The following DTHD1 variants were observed in gnomAD, a reference collection of about 807,000 sequenced individuals.
The protein encoded by DTHD1 is death domain-containing protein 1.
Under a neutral mutation model 74.8 loss-of-function variants are expected in DTHD1, and 59 were observed. That is an observed-to-expected ratio of 0.79 (90% CI 0.64 to 0.98). DTHD1 has a LOEUF of 0.98. Ranked by LOEUF, DTHD1 falls within the 50% of genes least tolerant of loss-of-function variation. The pLI, the probability that DTHD1 is intolerant of heterozygous loss-of-function variation, is 0.00. For synonymous variants in DTHD1, 365 were observed against 371.1 expected, an observed-to-expected ratio of 0.98 and a Z score of 0.19; for missense variants, 1,051 against 1,065.4, an observed-to-expected ratio of 0.99 and a Z score of 0.19.
Position 36,316,245 on chromosome 4 carries a change from A to G in DTHD1, c.2099A>G (p.Asn700Ser), listed in dbSNP as rs1560805953. ...AATACATTTTACTTCTATTTAGGCA[A>G]CGGGAAGGATTATGGAAAAGACTAC... is the stretch of plus-strand genomic sequence containing the variant. ...RFTGNIFASS[N>S]GKDYGKDYTL... Residue 700 changes from asparagine to serine, a missense_variant, in exon 8 of 10, where the codon AAC (asparagine) becomes AGC (serine). By Grantham distance (46) the Asn-to-Ser change is conservative. Transcript: ENST00000639862. 1 of 1,549,284 alleles carries G rather than the reference A, an allele frequency of 6.5e-7. No homozygotes were observed. Among genetic ancestry groups the G allele is most frequent in the Admixed American group, 2.0e-5 (1 of 50,408 alleles).
chr4:36,316,482 CA>C lies in DTHD1; in HGVS notation c.2339del (p.Lys780SerfsTer5), dbSNP rs1354260708. ...ATTTGCAAATTACCATTGAAATTGCCAAAGGTGAGTTATTTTACTTTTCTAA... is the reference window on the plus strand; with the variant it reads ...ATTTGCAAATTACCATTGAAATTGCCAAGGTGAGTTATTTTACTTTTCTAA... The part of the protein sequence containing the change: ...LPICKLPLKL[P>X]KHKKLINRPQ... On this transcript the variant is annotated frameshift_variant, in exon 8 of 10. Coordinates refer to ENST00000639862, the MANE Select transcript of DTHD1 (RefSeq NM_001170700.3). LOFTEE classifies it high-confidence loss of function. 1 of 1,546,750 alleles carries C rather than the reference CA, an allele frequency of 6.5e-7. No individual in the cohort carries two copies. Among genetic ancestry groups the C allele is most frequent in the African/African-American group, 1.4e-5 (1 of 72,732 alleles).
rs1263430399 is a variant in DTHD1 at position 36,345,890 on chromosome 4, G to C, written c.*2066G>C. The C allele has an allele frequency of 6.6e-6, 1 of 152,410 alleles. No homozygotes were observed. Among genetic ancestry groups the C allele is most frequent in the Admixed American group, 6.6e-5 (1 of 15,248 alleles). 9.4% of individuals were successfully genotyped at this position (152,410 alleles called of 1,614,324 possible). On this transcript the variant is annotated 3_prime_UTR_variant, in exon 10 of 10. Coordinates refer to ENST00000639862, the MANE Select transcript of DTHD1 (RefSeq NM_001170700.3). ...AGGACACTCACATATGTGTTCACCTGCATGCACACATGCTAATATGTATGT... is the reference window on the plus strand; with the variant it reads ...AGGACACTCACATATGTGTTCACCTCCATGCACACATGCTAATATGTATGT...
At chr4:36,325,448 A>G (rs1341248752) in intron 8 of DTHD1, among the ~76,000 whole-genome samples, 1 of 152,250 alleles carries the variant, frequency 6.6e-6, no homozygotes, top group Non-Finnish European at 1.5e-5. Flanking sequence ...TTTTGTTAGC[A>G]ACATTACTAC....
intron 7 of DTHD1, chr4:36,315,834 T>C (rs1282474285): frequency 1.3e-5 from 2 of 154,972 alleles, no homozygotes; most frequent in Non-Finnish European, 1.4e-5. Context: ...TGTCAGGTTA[T>C]GTTTTGACAA....
At position 36,343,544 on chromosome 4, in the gene DTHD1, T is replaced by G; in HGVS notation, c.2441T>G (p.Leu814Arg). The G allele has an allele frequency of 6.4e-7, 1 of 1,551,508 alleles. No homozygotes were observed. The highest frequency in any genetic ancestry group is 8.7e-7 in the Non-Finnish European group (1 of 1,146,892). Reference protein sequence around the residue: ...DNLLHWLAEELSEENAESLSS... With the variant: ...DNLLHWLAEERSEENAESLSS... ...TTGCTCCATTGGCTGGCTGAGGAGC[T>G]CTCAGAAGAAAATGCTGAGTCTCTT... is the stretch of plus-strand genomic sequence containing the variant. Residue 814 changes from leucine to arginine, a missense_variant, in exon 10 of 10, where the codon CTC becomes CGC. Physicochemically the swap from Leu to Arg is moderately radical, Grantham distance 102. Transcript: ENST00000639862.
chr4:36,285,410 T>C (rs1755642397), intron 2 of DTHD1, among the ~76,000 whole-genome samples: 1 of 152,176 alleles, frequency 6.6e-6, no homozygotes, highest in African/African-American at 2.4e-5. Context: ...GGATGAGCTT[T>C]GGGAGGTACT....
rs769437545 is a variant in DTHD1, at chr4:36,316,461, G to T, written c.2315G>T (p.Cys772Phe). The change falls in exon 8 of 10, where the codon TGC becomes TTC. Residue 772 changes from cysteine to phenylalanine, a missense_variant. Cys to Phe is a radical substitution (Grantham distance 205). Coordinates refer to ENST00000639862, the MANE Select transcript of DTHD1 (RefSeq NM_001170700.3). ...INENHSQLPI[C>F]KLPLKLPKHK... ...GAAAACCATTCTCAGTTGCCAATTT[G>T]CAAATTACCATTGAAATTGCCAAAG... is the stretch of plus-strand genomic sequence containing the variant. The T allele has an allele frequency of 4.3e-5, 67 of 1,548,950 alleles. No individual in the cohort carries two copies. Among genetic ancestry groups the T allele is most frequent in the Non-Finnish European group, 5.6e-5 (64 of 1,146,374 alleles).
intron 9 of DTHD1, among the ~76,000 whole-genome samples, chr4:36,342,918 CAAAAA>C (rs55956868): frequency 9.3e-5 from 9 of 96,992 alleles, no homozygotes; most frequent in African/African-American, 2.4e-4. Context: ...ACTAAAAATA[CAAAAA>C]AAAAAAAAAA....
At chr4:36,305,432 G>C (rs1387409830) in intron 5 of DTHD1, among the ~76,000 whole-genome samples, 2 of 152,152 alleles carry the variant, frequency 1.3e-5, no homozygotes, top group South Asian at 4.2e-4. Flanking sequence ...TAAAACCATC[G>C]TATCTCATGA....
At chr4:36,321,624 G>C (rs1758041710) in intron 8 of DTHD1, among the ~76,000 whole-genome samples, 2 of 152,100 alleles carry the variant, frequency 1.3e-5, no homozygotes, top group Admixed American at 1.3e-4. Context: ...TAGAAATAAA[G>C]AGCACAATAA....
chr4:36,331,829 G>A (rs894755543), intron 8 of DTHD1, among the ~76,000 whole-genome samples: 7 of 152,144 alleles, frequency 4.6e-5, no homozygotes, highest in Admixed American at 2.0e-4. Flanking sequence ...AGTTCTTACC[G>A]TGTTACTTTA....
chr4:36,283,964 A>ATG lies in DTHD1; in HGVS notation c.272-4_272-3dup. ...GTATTTATTCTTTGTGTGTCCATGTATGTGTGTGTAGAAATCATTACTTTC... is the reference window on the plus strand; with the variant it reads ...GTATTTATTCTTTGTGTGTCCATGTATGTGTGTGTGTAGAAATCATTACTTTC... On this transcript the variant is annotated splice_polypyrimidine_tract_variant and intron_variant, in intron 1 of 9. Coordinates refer to ENST00000639862, the MANE Select transcript of DTHD1 (RefSeq NM_001170700.3). 2 of 1,487,234 alleles carry ATG rather than the reference A, an allele frequency of 1.3e-6. No individual in the cohort carries two copies. The highest frequency in any genetic ancestry group is 1.7e-4 in the Middle Eastern group (1 of 5,906). The allele number at this position is 1,487,234 out of a possible 1,614,324, so 92.1% of individuals were successfully genotyped here. A position where few individuals can be genotyped will look rare whatever the true frequency, so the allele number is the denominator to read the frequency against.
At chr4:36,336,969 G>A (rs74957090) in intron 8 of DTHD1, among the ~76,000 whole-genome samples, 8,945 of 151,992 alleles carry the variant, frequency 0.059, 287 homozygotes, top group South Asian at 0.14. Context: ...AGAGGAAAGT[G>A]GGGGGAAATG....
rs541968071 is a variant in DTHD1 at position 36,317,286 on chromosome 4, G to A, written c.2340+800G>A. ...ACTTCTGAAATAGGGGATGTGCTGC[G>A]CTAGGCTTTGTGATAAATACAGAGC... On this transcript the variant is annotated intron_variant, in intron 8 of 9. Transcript: ENST00000639862. 6.6e-5 allele frequency among the ~76,000 whole-genome samples: 10 copies of A among 152,244 alleles called. No individual in the cohort carries two copies. The South Asian group carries it at 1.2e-3, about 19-fold the overall frequency.
At chr4:36,295,168 A>G in intron 5 of DTHD1, 129 bp downstream of exon 5, 21 of 1,176,142 alleles carry the variant, frequency 1.8e-5, no homozygotes, top group Non-Finnish European at 2.3e-5. Context: ...TTTAATCTAG[A>G]AAGAAGATAT....
chr4:36,294,830 A>G lies in DTHD1; in HGVS notation c.1434A>G (p.Leu478=), dbSNP rs769724268. ...TTGACCCAGCTCTGGTGGCACATTTAAAAGCACAGCAAGATACTTTCTACT... is the reference window on the plus strand; with the variant it reads ...TTGACCCAGCTCTGGTGGCACATTTGAAAGCACAGCAAGATACTTTCTACT... ...QPVDPALVAH[L]KAQQDTFYSV... Residue 478 remains leucine, a synonymous_variant, in exon 5 of 10, where the codon TTA becomes TTG. Coordinates refer to ENST00000639862, the MANE Select transcript of DTHD1 (RefSeq NM_001170700.3). The G allele has an allele frequency of 3.2e-6, 5 of 1,549,794 alleles. No individual in the cohort carries two copies. Among genetic ancestry groups the G allele is most frequent in the African/African-American group, 1.4e-5 (1 of 73,012 alleles).
chr4:36,283,265 G>GATTTGATC (rs1334400679), intron 1 of DTHD1, among the ~76,000 whole-genome samples: 6 of 152,178 alleles, frequency 3.9e-5, no homozygotes, highest in Non-Finnish European at 8.8e-5. Flanking sequence ...GATTATATAA[G>GATTTGATC]ATTTGATCAT....
chr4:36,326,357 A>T (rs752603094), intron 8 of DTHD1, among the ~76,000 whole-genome samples: 1 of 150,482 alleles, frequency 6.6e-6, no homozygotes, highest in Non-Finnish European at 1.5e-5. Flanking sequence ...ATGAATACCT[A>T]CTAAATTATT....
chr4:36,326,188 T>A (rs1420278051), intron 8 of DTHD1, among the ~76,000 whole-genome samples: 1 of 151,950 alleles, frequency 6.6e-6, no homozygotes, highest in African/African-American at 2.4e-5. Flanking sequence ...TTATCCCCTC[T>A]TTAGGAGCAG....
Sources: allele counts gnomAD v4.1 joint callset (sites outside exome capture counted in the v4.1 genomes callset), GRCh38; gene constraint gnomAD v4.1.1; transcripts MANE v1.5; gene names NCBI Gene and HGNC (gene_info 2026-07-23, HGNC 2026-07-21).